KCNH1: variants seen among roughly 807,000 people sequenced by gnomAD.
The protein encoded by KCNH1 is potassium voltage-gated channel subfamily H member 1.
In KCNH1, 27 loss-of-function variants were observed where a neutral mutation model predicts 69.2. The observed-to-expected ratio is 0.39, with a 90% CI of 0.29 to 0.54. KCNH1 has a LOEUF of 0.54. Among genes scored for constraint, KCNH1 ranks in the 20% least tolerant of loss-of-function variants. The pLI is 0.68. For synonymous variants in KCNH1, 456 were observed against 487.7 expected (o/e 0.93, Z 0.86); for missense variants, 798 against 1,261.6 (o/e 0.63, Z 5.57).
chr1:210,863,731 C>A (rs1365854377), intron 7 of KCNH1, among the ~76,000 whole-genome samples: 1 of 152,188 alleles, frequency 6.6e-6, no homozygotes. Flanking sequence ...AGGAGCTGTG[C>A]CTTGCTGGTG....
At chr1:210,869,197 T>A (rs1195798221) in intron 7 of KCNH1, among the ~76,000 whole-genome samples, 1 of 152,128 alleles carries the variant, frequency 6.6e-6, no homozygotes, top group African/African-American at 2.4e-5. Context: ...TTTCTCTTTA[T>A]CAATTTTGTT....
At chr1:211,036,826 T>G (rs1689907572) in intron 5 of KCNH1, among the ~76,000 whole-genome samples, 1 of 152,182 alleles carries the variant, frequency 6.6e-6, no homozygotes, top group Admixed American at 6.5e-5. Context: ...GAGAGGCTTG[T>G]GTCTGTCCTA....
intron 5 of KCNH1, among the ~76,000 whole-genome samples, chr1:211,037,364 G>A (rs559411384): frequency 6.6e-6 from 1 of 152,104 alleles, no homozygotes; most frequent in Non-Finnish European, 1.5e-5. Context: ...TCATGCAATG[G>A]GAAGGCTGGT....
chr1:211,118,109 A>G (rs1333540032), intron 1 of KCNH1, among the ~76,000 whole-genome samples: 1 of 152,222 alleles, frequency 6.6e-6, no homozygotes, highest in East Asian at 1.9e-4. Flanking sequence ...AAAATGTGCC[A>G]TGTTGTCAAA....
At chr1:210,952,906 C>T (rs1356047891) in intron 6 of KCNH1, among the ~76,000 whole-genome samples, 1 of 152,156 alleles carries the variant, frequency 6.6e-6, no homozygotes, top group Non-Finnish European at 1.5e-5. Context: ...TAGCTTCAAC[C>T]ACAGTAATAT....
At chr1:211,076,790 G>C (rs1462583034) in intron 5 of KCNH1, among the ~76,000 whole-genome samples, 1 of 152,212 alleles carries the variant, frequency 6.6e-6, no homozygotes, top group Non-Finnish European at 1.5e-5. Flanking sequence ...GGCTTCAGAA[G>C]GTCGGTAATA....
chr1:210,877,618 C>G lies in KCNH1; in HGVS notation c.1462+42022G>C, dbSNP rs1686406041. On this transcript the variant is annotated intron_variant, in intron 7 of 10. Transcript: ENST00000271751. The stretch of plus-strand genomic sequence containing the variant: ...ACTGCACTATTCCATACAATTTATT[C>G]AATCCATTTATTTTGCAAATAACTG... Among the ~76,000 whole-genome samples, 4 of 152,186 alleles carry G rather than the reference C, an allele frequency of 2.6e-5. No individual in the cohort carries two copies. The South Asian group carries it at 8.3e-4, about 32-fold the overall frequency.
chr1:210,917,235 GAAAGAA>G (rs1558524802), intron 7 of KCNH1, among the ~76,000 whole-genome samples: 9 of 124,286 alleles, frequency 7.2e-5, no homozygotes, highest in African/African-American at 1.6e-4. Flanking sequence ...GAGAGAGAAA[GAAAGAA>G]AGAAAGAAAG....
In KCNH1 at chr1:210,773,014, CAAG is replaced by C. The variant is rs375632376; in HGVS notation, c.2112+2331_2112+2333del. Among the ~76,000 whole-genome samples the C allele has an allele frequency of 4.5e-4, 69 of 152,116 alleles. 1 individual carries two copies. In the South Asian group the frequency reaches 0.014, roughly 30 times the overall value. ...AGATTTACTTGAGCCACAATTATTC[CAAG>C]AAGATTACTCCTCCAAATAACCCAA... On this transcript the variant is annotated intron_variant, in intron 10 of 10. Transcript: ENST00000271751.
chr1:210,907,277 G>A (rs1007897479), intron 7 of KCNH1, among the ~76,000 whole-genome samples: 1 of 152,154 alleles, frequency 6.6e-6, no homozygotes, highest in African/African-American at 2.4e-5. Flanking sequence ...TAAGTGCCAA[G>A]AAATTGTACC....
chr1:211,031,693 T>C (rs535283477), intron 5 of KCNH1, among the ~76,000 whole-genome samples: 1 of 152,152 alleles, frequency 6.6e-6, no homozygotes, highest in Non-Finnish European at 1.5e-5. Flanking sequence ...AGAAAAGGCC[T>C]TTAACAAAAT....
intron 10 of KCNH1, among the ~76,000 whole-genome samples, chr1:210,760,987 T>C (rs1173715272): frequency 6.6e-6 from 1 of 151,972 alleles, no homozygotes; most frequent in African/African-American, 2.4e-5. Context: ...GCGCGGTGGC[T>C]CACGCCTGTA....
intron 5 of KCNH1, among the ~76,000 whole-genome samples, chr1:211,062,812 T>G (rs1113260): frequency 0.73 from 111,695 of 152,098 alleles, 41,476 homozygotes; most frequent in South Asian, 0.81. Context: ...AATAACAAAT[T>G]CTGGTGAGGA....
At chr1:210,851,032 A>G (rs1357711123) in intron 7 of KCNH1, among the ~76,000 whole-genome samples, 5 of 152,332 alleles carry the variant, frequency 3.3e-5, no homozygotes, top group South Asian at 2.1e-4. Context: ...GAGCTGTTCA[A>G]TATTTGTCTT....
chr1:211,038,062 C>A (rs991719449), intron 5 of KCNH1, among the ~76,000 whole-genome samples: 2 of 151,446 alleles, frequency 1.3e-5, no homozygotes, highest in Non-Finnish European at 2.9e-5. Flanking sequence ...CAGGTTCACG[C>A]CATTCTCCTG....
At chr1:210,792,660 C>A (rs1684232072) in intron 9 of KCNH1, among the ~76,000 whole-genome samples, 2 of 149,342 alleles carry the variant, frequency 1.3e-5, no homozygotes, top group African/African-American at 2.5e-5. Context: ...GCAGCCTGGC[C>A]AAAATACTTG....
intron 5 of KCNH1, among the ~76,000 whole-genome samples, chr1:211,027,812 CA>C (rs1400969181): frequency 6.6e-6 from 1 of 150,926 alleles, no homozygotes; most frequent in Non-Finnish European, 1.5e-5. Context: ...ACAAGAACTG[CA>C]AAATATGTAA....
intron 10 of KCNH1, among the ~76,000 whole-genome samples, chr1:210,710,887 T>C (rs1682057510): frequency 6.6e-6 from 1 of 152,196 alleles, no homozygotes; most frequent in South Asian, 2.1e-4. Context: ...CCCACTGCAC[T>C]CTACAGCAAA....
At chr1:210,810,833 T>G (rs1180368709) in intron 7 of KCNH1, among the ~76,000 whole-genome samples, 2 of 152,192 alleles carry the variant, frequency 1.3e-5, no homozygotes, top group African/African-American at 4.8e-5. Flanking sequence ...TTCTTAGAAA[T>G]ATATGGTAAT....
Sources: allele counts gnomAD v4.1 joint callset (sites outside exome capture counted in the v4.1 genomes callset), GRCh38; gene constraint gnomAD v4.1.1; transcripts MANE v1.5; gene names NCBI Gene and HGNC (gene_info 2026-07-23, HGNC 2026-07-21).